STRN: variants seen among roughly 807,000 people sequenced by gnomAD.
STRN encodes protein phosphatase 2 regulatory subunit B'''alpha.
In STRN, 53 loss-of-function variants were observed where a neutral mutation model predicts 96.3. That is an observed-to-expected ratio of 0.55 (90% CI 0.44 to 0.69). STRN has a LOEUF of 0.69. STRN is among the 30% of genes least tolerant of loss of function. The pLI, the probability that STRN is intolerant of heterozygous loss-of-function variation, is 0.00. For synonymous variants in STRN, 428 were observed against 355.9 expected (o/e 1.20, Z -2.28); for missense variants, 987 against 963.9 (o/e 1.02, Z -0.32).
At chr2:36,955,647 C>G (rs1202202249) in intron 1 of STRN, among the ~76,000 whole-genome samples, 3 of 152,092 alleles carry the variant, frequency 2.0e-5, no homozygotes, top group African/African-American at 7.2e-5. Context: ...CCAAATCTGC[C>G]TCGATTACTA....
chr2:36,947,148 G>A (rs762311128), intron 1 of STRN, among the ~76,000 whole-genome samples: 16 of 151,882 alleles, frequency 1.1e-4, no homozygotes, highest in African/African-American at 1.9e-4. Flanking sequence ...TGCCTGCCTC[G>A]GCCTCCCAAA....
chr2:36,860,389 A>G (rs1332407057), intron 13 of STRN, among the ~76,000 whole-genome samples: 1 of 152,206 alleles, frequency 6.6e-6, no homozygotes, highest in Admixed American at 6.5e-5. Context: ...CTTTCACAAC[A>G]TATTAATGCT....
intron 8 of STRN, among the ~76,000 whole-genome samples, chr2:36,884,605 T>C (rs1669162921): frequency 6.6e-6 from 1 of 152,216 alleles, no homozygotes. Flanking sequence ...CAGTAGTTTT[T>C]CCTGTTACAA....
At chr2:36,901,986 T>A (rs897764368) in intron 5 of STRN, among the ~76,000 whole-genome samples, 2 of 152,156 alleles carry the variant, frequency 1.3e-5, no homozygotes, top group African/African-American at 4.8e-5. Flanking sequence ...TCACGGAAAT[T>A]TTTTCCCAAT....
At chr2:36,910,172 T>TG (rs1669928852) in intron 3 of STRN, among the ~76,000 whole-genome samples, 1 of 68,536 alleles carries the variant, frequency 1.5e-5, no homozygotes, top group Non-Finnish European at 2.6e-5. Context: ...AGACTTTGTC[T>TG]CAAAAAAAAA....
intron 15 of STRN, among the ~76,000 whole-genome samples, chr2:36,852,518 T>C (rs985411235): frequency 6.6e-6 from 1 of 152,130 alleles, no homozygotes; most frequent in East Asian, 1.9e-4. Context: ...GAGCATGACG[T>C]CTCTCATATG....
At position 36,841,589 on chromosome 2, in the gene STRN, T is replaced by C. The variant is rs889069059; in HGVS notation, c.*7867A>G. 2.0e-5 allele frequency: 3 copies of C among 152,176 alleles called. No homozygotes were observed. Among genetic ancestry groups the C allele is most frequent in the African/African-American group, 7.2e-5 (3 of 41,458 alleles). The allele number at this position is 152,176 out of a possible 1,614,324, so 9.4% of individuals were successfully genotyped here. A position where few individuals can be genotyped will look rare whatever the true frequency, so the allele number is the denominator to read the frequency against. On this transcript the variant is annotated 3_prime_UTR_variant, in exon 18 of 18. Transcript: ENST00000263918. The stretch of plus-strand genomic sequence containing the variant: ...TAGTCAAAACCATTCAAAAGAGAAC[T>C]CACTCTGTAAAAACGATTCTCATAT...
rs1314756009 is a variant in STRN at position 36,846,387 on chromosome 2, T to TTTTATATATATATATA, written c.*3068_*3069insTATATATATATATAAA. On this transcript the variant is annotated 3_prime_UTR_variant, in exon 18 of 18. Coordinates refer to ENST00000263918, the MANE Select transcript of STRN (RefSeq NM_003162.4). ...CAAAACAGTAAAATGCACCTATGGT[T>TTTTATATATATATATA]TATATATATATATATATATATATAT... 29 of 78,330 alleles carry TTTTATATATATATATA rather than the reference T, an allele frequency of 3.7e-4. 1 individual carries two copies. Among genetic ancestry groups the TTTTATATATATATATA allele is most frequent in the Non-Finnish European group, 5.4e-4 (25 of 46,190 alleles). 4.9% of individuals were successfully genotyped at this position (78,330 alleles called of 1,614,324 possible). A position where few individuals can be genotyped will look rare whatever the true frequency, so the allele number is the denominator to read the frequency against.
At chr2:36,910,000 C>G (rs1163385811) in intron 3 of STRN, among the ~76,000 whole-genome samples, 2 of 151,990 alleles carry the variant, frequency 1.3e-5, no homozygotes, top group Admixed American at 1.3e-4. Flanking sequence ...TGGTAAAACC[C>G]CATTTCTACT....
intron 15 of STRN, among the ~76,000 whole-genome samples, chr2:36,852,670 A>T (rs1299830959): frequency 6.6e-6 from 1 of 152,254 alleles, no homozygotes; most frequent in Non-Finnish European, 1.5e-5. Flanking sequence ...AAATTATTTC[A>T]AAATAGAGTT....
At chr2:36,891,598 T>C (rs889874518) in intron 7 of STRN, among the ~76,000 whole-genome samples, 4 of 152,180 alleles carry the variant, frequency 2.6e-5, no homozygotes, top group Admixed American at 2.6e-4. Context: ...CTACTTTGAA[T>C]GCAAGGCAGA....
intron 1 of STRN, among the ~76,000 whole-genome samples, chr2:36,965,448 C>G (rs1457603713): frequency 6.6e-6 from 1 of 152,218 alleles, no homozygotes; most frequent in African/African-American, 2.4e-5. Context: ...GGCAATGTAA[C>G]TAACTTCAAA....
chr2:36,880,170 G>A (rs111290521), intron 9 of STRN, among the ~76,000 whole-genome samples: 6 of 152,242 alleles, frequency 3.9e-5, no homozygotes, highest in African/African-American at 9.6e-5. Context: ...GTTTTGCCAC[G>A]TTGGCCAGGC....
At chr2:36,951,106 A>C (rs1415840393) in intron 1 of STRN, among the ~76,000 whole-genome samples, 1 of 152,246 alleles carries the variant, frequency 6.6e-6, no homozygotes, top group Admixed American at 6.5e-5. Flanking sequence ...AGACACTTGT[A>C]AAAAACTTGA....
intron 2 of STRN, among the ~76,000 whole-genome samples, chr2:36,923,808 T>C (rs1252857362): frequency 6.6e-6 from 1 of 152,090 alleles, no homozygotes; most frequent in African/African-American, 2.4e-5. Flanking sequence ...AATAGATAAT[T>C]CCAATATCAC....
chr2:36,842,096 T>C lies in STRN; in HGVS notation c.*7360A>G, dbSNP rs962732980. 3 of 152,248 alleles carry C rather than the reference T, an allele frequency of 2.0e-5. No individual in the cohort carries two copies. The highest frequency in any genetic ancestry group is 7.2e-5 in the African/African-American group (3 of 41,464). The allele number at this position is 152,248 out of a possible 1,614,324, so 9.4% of individuals were successfully genotyped here. A position where few individuals can be genotyped will look rare whatever the true frequency, so the allele number is the denominator to read the frequency against. ...GGTCCCATTTCCAAAGGGAAGTAGTTGGATGCCAGCATACTTTAACATTTC... is the reference window on the plus strand; with the variant it reads ...GGTCCCATTTCCAAAGGGAAGTAGTCGGATGCCAGCATACTTTAACATTTC... On this transcript the variant is annotated 3_prime_UTR_variant, in exon 18 of 18. Coordinates refer to ENST00000263918, the MANE Select transcript of STRN (RefSeq NM_003162.4).
chr2:36,907,637 A>C (rs62132547), intron 3 of STRN, among the ~76,000 whole-genome samples: 3,959 of 152,302 alleles, frequency 0.026, 73 homozygotes, highest in Non-Finnish European at 0.038. Flanking sequence ...CCTCAAAGAT[A>C]GGTACTTAGC....
intron 10 of STRN, among the ~76,000 whole-genome samples, chr2:36,872,267 G>A (rs1668780993): frequency 6.6e-6 from 1 of 152,172 alleles, no homozygotes; most frequent in Non-Finnish European, 1.5e-5. Context: ...ACACTGGGGG[G>A]AGCCAGCTGC....
chr2:36,879,229 C>G (rs567473374), intron 9 of STRN, among the ~76,000 whole-genome samples: 29 of 150,982 alleles, frequency 1.9e-4, no homozygotes, highest in Non-Finnish European at 4.0e-4. Context: ...TGCCACCATG[C>G]CTGGCTAATT....
Sources: gnomAD v4.1 joint callset for allele counts (sites outside exome capture counted in the v4.1 genomes callset) on GRCh38, gnomAD v4.1.1 for gene constraint, MANE v1.5 for transcripts, NCBI Gene and HGNC (gene_info 2026-07-23, HGNC 2026-07-21) for gene names.